The following EXOC6 variants were observed in gnomAD, a reference collection of about 807,000 sequenced individuals.
EXOC6 encodes the protein exocyst complex component 6.
Under a neutral mutation model 112.5 loss-of-function variants are expected in EXOC6, and 60 were observed. The ratio of observed to expected loss-of-function variants is 0.53; its 90% CI spans 0.43 to 0.66. The LOEUF is 0.66. EXOC6 is among the 30% of genes least tolerant of loss of function. The pLI, the probability that EXOC6 is intolerant of heterozygous loss-of-function variation, is 0.00. For synonymous variants in EXOC6, 295 were observed against 308.0 expected, an observed-to-expected ratio of 0.96 and a Z score of 0.44; for missense variants, 855 against 957.1, an observed-to-expected ratio of 0.89 and a Z score of 1.41.
rs1160448469 is a variant in EXOC6, at chr10:92,851,981, T to C, written c.101+3347T>C. On this transcript the variant is annotated intron_variant, in intron 1 of 21. Transcript: ENST00000260762. ...TACTCGGGAGGCTAACGTGGGAGAATGGCTCAGAGTCTGGGTCGTTAAGGC... is the reference window on the plus strand; with the variant it reads ...TACTCGGGAGGCTAACGTGGGAGAACGGCTCAGAGTCTGGGTCGTTAAGGC... 4.1e-4 allele frequency among the ~76,000 whole-genome samples: 63 copies of C among 152,064 alleles called. 1 individual carries two copies. The highest frequency in any genetic ancestry group is 4.1e-3 in the Admixed American group (63 of 15,256).
At chr10:92,883,083 A>G (rs182888088) in intron 1 of EXOC6, among the ~76,000 whole-genome samples, 66 of 152,352 alleles carry the variant, frequency 4.3e-4, no homozygotes, top group Non-Finnish European at 8.4e-4. Flanking sequence ...ATTGGGGCCT[A>G]TGTATGTCCT....
intron 17 of EXOC6, among the ~76,000 whole-genome samples, chr10:92,959,937 G>T (rs1853894020): frequency 6.6e-6 from 1 of 152,162 alleles, no homozygotes; most frequent in Admixed American, 6.5e-5. Context: ...CAGCCTCCTT[G>T]GAAGACCATT....
At chr10:93,010,212 A>T (rs902741215) in intron 19 of EXOC6, among the ~76,000 whole-genome samples, 4 of 152,224 alleles carry the variant, frequency 2.6e-5, no homozygotes, top group Non-Finnish European at 5.9e-5. Context: ...CCCTAAAAAA[A>T]TTTGAGAAAA....
upstream of EXOC6, among the ~76,000 whole-genome samples, chr10:92,844,424 GC>G (rs1846980528): frequency 5.9e-5 from 9 of 152,126 alleles, no homozygotes. Flanking sequence ...AAAGGTGCTT[GC>G]CTTAAAAGCG....
At chr10:93,031,845 A>G (rs1845292087) in intron 20 of EXOC6, among the ~76,000 whole-genome samples, 1 of 151,774 alleles carries the variant, frequency 6.6e-6, no homozygotes, top group African/African-American at 2.4e-5. Flanking sequence ...ACCCCATAAT[A>G]CTACCCCTCA....
At chr10:93,029,206 A>G (rs918706304) in intron 20 of EXOC6, among the ~76,000 whole-genome samples, 1 of 152,186 alleles carries the variant, frequency 6.6e-6, no homozygotes, top group Non-Finnish European at 1.5e-5. Flanking sequence ...TAGGGTGTGT[A>G]CGTTGTTTTT....
At chr10:92,886,026 G>T (rs1003021124) in intron 1 of EXOC6, among the ~76,000 whole-genome samples, 8 of 152,134 alleles carry the variant, frequency 5.3e-5, no homozygotes, top group African/African-American at 1.9e-4. Context: ...CTTAACAATA[G>T]AAATTATAAA....
At chr10:92,896,400 T>G (rs4933750) in intron 4 of EXOC6, among the ~76,000 whole-genome samples, 60,151 of 147,916 alleles carry the variant, frequency 0.41, 12,768 homozygotes, top group African/African-American at 0.51. Flanking sequence ...TTTCACTATT[T>G]TGGCCAGGCT....
chr10:92,991,808 T>C (rs373245095), intron 18 of EXOC6, among the ~76,000 whole-genome samples: 1 of 152,062 alleles, frequency 6.6e-6, no homozygotes, highest in South Asian at 2.1e-4. Flanking sequence ...CATACCCTTA[T>C]GATTGGTAAT....
At chr10:92,861,789 C>G (rs148741235) in intron 1 of EXOC6, among the ~76,000 whole-genome samples, 1 of 152,256 alleles carries the variant, frequency 6.6e-6, no homozygotes, top group Non-Finnish European at 1.5e-5. Flanking sequence ...TCTTCTTTTC[C>G]TGTATGCTCT....
At chr10:93,000,184 A>G (rs1007264157) in intron 19 of EXOC6, among the ~76,000 whole-genome samples, 7 of 152,232 alleles carry the variant, frequency 4.6e-5, no homozygotes, top group African/African-American at 1.4e-4. Flanking sequence ...CTTCAAAATA[A>G]CTAAACGATT....
chr10:92,986,564 G>T (rs1285997752), intron 18 of EXOC6, among the ~76,000 whole-genome samples: 2 of 151,482 alleles, frequency 1.3e-5, no homozygotes, highest in South Asian at 4.2e-4. Flanking sequence ...CCCATATGGA[G>T]GGGGACCTTC....
chr10:92,866,052 AGT>A (rs1415504055), intron 1 of EXOC6, among the ~76,000 whole-genome samples: 1 of 152,102 alleles, frequency 6.6e-6, no homozygotes, highest in Non-Finnish European at 1.5e-5. Flanking sequence ...TGTATATATA[AGT>A]GAATCTGCAT....
chr10:92,963,960 C>T (rs1199721515), intron 17 of EXOC6, among the ~76,000 whole-genome samples: 44 of 150,624 alleles, frequency 2.9e-4, no homozygotes, highest in Admixed American at 2.8e-3. Context: ...GATTTGCATG[C>T]GTATAAGGCA....
At chr10:92,902,045 T>A in intron 5 of EXOC6, among the ~76,000 whole-genome samples, 1 of 151,592 alleles carries the variant, frequency 6.6e-6, no homozygotes, top group African/African-American at 2.4e-5. Context: ...GGAACTAAGA[T>A]GTATGTGCTA....
intron 18 of EXOC6, among the ~76,000 whole-genome samples, chr10:92,974,905 T>C (rs1842449935): frequency 6.6e-6 from 1 of 152,212 alleles, no homozygotes; most frequent in South Asian, 2.1e-4. Flanking sequence ...TGGCGTGCTC[T>C]CGGCTCGCTA....
intron 20 of EXOC6, among the ~76,000 whole-genome samples, chr10:93,047,902 C>CTGA (rs1401363799): frequency 1.3e-5 from 2 of 152,058 alleles, no homozygotes; most frequent in African/African-American, 4.8e-5. Context: ...GCCAAGATCA[C>CTGA]GCCACTGCAC....
chr10:92,920,412 A>T (rs981363574), intron 8 of EXOC6, among the ~76,000 whole-genome samples: 6 of 152,178 alleles, frequency 3.9e-5, no homozygotes, highest in African/African-American at 1.4e-4. Context: ...ATTGAGATCT[A>T]GTTCACATAC....
chr10:92,949,198 T>C (rs1276630755), intron 14 of EXOC6, among the ~76,000 whole-genome samples: 1 of 152,194 alleles, frequency 6.6e-6, no homozygotes, highest in African/African-American at 2.4e-5. Context: ...CTTTCTACAT[T>C]TTTATCACTT....
Sources: gnomAD v4.1 joint callset for allele counts (sites outside exome capture counted in the v4.1 genomes callset) on GRCh38, gnomAD v4.1.1 for gene constraint, MANE v1.5 for transcripts, NCBI Gene and HGNC (gene_info 2026-07-23, HGNC 2026-07-21) for gene names.